OSBP: variants seen among roughly 807,000 people sequenced by gnomAD.
OSBP encodes the protein oxysterol-binding protein 1.
OSBP carries 32 observed loss-of-function variants against 96.6 expected under a neutral mutation model. The observed-to-expected ratio is 0.33, with a 90% confidence interval of 0.25 to 0.45. OSBP has a LOEUF of 0.45. Among genes scored for constraint, OSBP ranks in the 20% least tolerant of loss-of-function variants. The pLI is 1.00. For synonymous variants in OSBP, 369 were observed against 389.6 expected (o/e 0.95, Z 0.62); for missense variants, 653 against 1,029.7 (o/e 0.63, Z 5.01).
chr11:59,590,599 C>T (rs1860565994), intron 9 of OSBP, among the ~76,000 whole-genome samples: 1 of 152,194 alleles, frequency 6.6e-6, no homozygotes, highest in African/African-American at 2.4e-5. Flanking sequence ...TCAACAAATG[C>T]TACTTCAATT....
chr11:59,578,665 A>G (rs1194358122), intron 11 of OSBP, among the ~76,000 whole-genome samples: 1 of 152,084 alleles, frequency 6.6e-6, no homozygotes, highest in Non-Finnish European at 1.5e-5. Context: ...TTGCCCAGGC[A>G]GGTCTTGAAC....
chr11:59,589,338 C>T (rs1029013978), intron 9 of OSBP, among the ~76,000 whole-genome samples: 4 of 151,242 alleles, frequency 2.6e-5, no homozygotes, highest in South Asian at 2.1e-4. Context: ...TGGTGCCTCA[C>T]GCCAGTAATC....
intron 7 of OSBP, among the ~76,000 whole-genome samples, chr11:59,600,268 A>C (rs1397535412): frequency 6.6e-6 from 1 of 152,262 alleles, no homozygotes. Flanking sequence ...TTTGCTCAAA[A>C]ATAACTGCTA....
At chr11:59,604,103 A>G (rs531416789) in intron 3 of OSBP, among the ~76,000 whole-genome samples, 7 of 152,286 alleles carry the variant, frequency 4.6e-5, no homozygotes, top group African/African-American at 1.7e-4. Flanking sequence ...AGCTGTACAA[A>G]TAAGGGTAAG....
intron 10 of OSBP, among the ~76,000 whole-genome samples, chr11:59,580,515 T>C (rs935008530): frequency 4.6e-5 from 7 of 152,184 alleles, no homozygotes; most frequent in Admixed American, 6.5e-5. Context: ...TGATTTGACC[T>C]TCAGCACATA....
chr11:59,586,174 T>TAAATAAAAAAAAAAAAAAAAAA (rs1860497344), intron 9 of OSBP, among the ~76,000 whole-genome samples: 1 of 46,576 alleles, frequency 2.1e-5, no homozygotes, highest in African/African-American at 8.0e-5. Context: ...AAAAAATAAA[T>TAAATAAAAAAAAAAAAAAAAAA]AAAGAAAAAA....
chr11:59,574,421 TTAG>T lies in OSBP; in HGVS notation c.*2153_*2155del, dbSNP rs1229387469. 4.0e-5 allele frequency: 6 copies of T among 150,896 alleles called. No individual in the cohort carries two copies. The highest frequency in any genetic ancestry group is 2.0e-4 in the Admixed American group (3 of 14,936). The allele number at this position is 150,896 out of a possible 1,614,324, so 9.3% of individuals were successfully genotyped here. A position where few individuals can be genotyped will look rare whatever the true frequency, so the allele number is the denominator to read the frequency against. On this transcript the variant is annotated 3_prime_UTR_variant, in exon 14 of 14. Coordinates refer to ENST00000263847, the MANE Select transcript of OSBP (RefSeq NM_002556.3). Reference sequence around the variant, plus strand: ...TATGACTTTTAAAAAATTATTTAATTTAGTAGTTTTTTTTTTTTGGAAAAAAAT... The same window carrying T: ...TATGACTTTTAAAAAATTATTTAATTTAGTTTTTTTTTTTTGGAAAAAAAT...
At chr11:59,610,303 C>A in intron 2 of OSBP, 78 bp downstream of exon 2, 1 of 1,184,534 alleles carries the variant, frequency 8.4e-7, no homozygotes, top group Non-Finnish European at 1.3e-6. Flanking sequence ...AATGACACAG[C>A]ATAATGATGA....
At chr11:59,578,436 A>G in intron 11 of OSBP, 106 bp from the exon 12 acceptor site, 1 of 1,088,456 alleles carries the variant, frequency 9.2e-7, no homozygotes, top group Non-Finnish European at 1.4e-6. Context: ...TCCTGTTATA[A>G]CAAACACCAG....
At chr11:59,596,551 C>T (rs1421121270) in intron 7 of OSBP, among the ~76,000 whole-genome samples, 1 of 151,014 alleles carries the variant, frequency 6.6e-6, no homozygotes, top group Non-Finnish European at 1.5e-5. Flanking sequence ...TAGAAGGAAG[C>T]AGGGAGCTAT....
rs1410528214 is a variant in OSBP at position 59,615,507 on chromosome 11, G to A, written c.158C>T (p.Ala53Val). 1.6e-6 allele frequency: 2 copies of A among 1,219,594 alleles called. No homozygotes were observed. Among genetic ancestry groups the A allele is most frequent in the Non-Finnish European group, 2.0e-6 (2 of 981,006 alleles). The allele number at this position is 1,219,594 out of a possible 1,614,324, so 75.5% of individuals were successfully genotyped here. A position where few individuals can be genotyped will look rare whatever the true frequency, so the allele number is the denominator to read the frequency against. The stretch of plus-strand genomic sequence containing the variant: ...CCCCGGGCCCGGGCCTCCCGCCGCC[G>A]CCGCGACCACCGTCCCTGACGCGGC... ...SGAASGTVVA[A>V]AAGGPGPGAG... Residue 53 changes from alanine (A) to valine (V), a missense_variant, in exon 1 of 14, where the codon GCG (alanine) becomes GTG (valine). Physicochemically the swap from Ala to Val is moderately conservative, Grantham distance 64. This residue lies in a region of OSBP where 151 missense variants were observed against 146.1 expected (regional missense o/e 1.03). Coordinates refer to ENST00000263847, the MANE Select transcript of OSBP (RefSeq NM_002556.3).
At chr11:59,596,560 A>G (rs1860660158) in intron 7 of OSBP, among the ~76,000 whole-genome samples, 1 of 151,026 alleles carries the variant, frequency 6.6e-6, no homozygotes. Flanking sequence ...GCAGGGAGCT[A>G]TACAGCTGAT....
chr11:59,583,619 A>T (rs927179923), intron 9 of OSBP, among the ~76,000 whole-genome samples: 3 of 143,296 alleles, frequency 2.1e-5, no homozygotes, highest in African/African-American at 7.8e-5. Flanking sequence ...CCACCTAAAC[A>T]TATTCTAAAT....
chr11:59,578,562 A>C (rs1460301796), intron 11 of OSBP, among the ~76,000 whole-genome samples: 1 of 152,174 alleles, frequency 6.6e-6, no homozygotes, highest in East Asian at 1.9e-4. Flanking sequence ...GTGATGTCTC[A>C]CCTCAGCTAC....
At chr11:59,605,373 G>C (rs17508845) in intron 3 of OSBP, among the ~76,000 whole-genome samples, 5,336 of 151,992 alleles carry the variant, frequency 0.035, 133 homozygotes, top group Non-Finnish European at 0.043. Context: ...ACCACTACCT[G>C]GATCAAAGCT....
At chr11:59,611,131 G>A (rs1463640835) in intron 1 of OSBP, among the ~76,000 whole-genome samples, 1 of 112,766 alleles carries the variant, frequency 8.9e-6, no homozygotes, top group African/African-American at 4.1e-5. Context: ...GCGAAACTCC[G>A]TCTCAAAAAA....
chr11:59,590,952 T>C (rs1288479397), intron 9 of OSBP, among the ~76,000 whole-genome samples: 1 of 152,200 alleles, frequency 6.6e-6, no homozygotes, highest in Non-Finnish European at 1.5e-5. Context: ...AATCTCCCCA[T>C]GAAGATGGGG....
In OSBP at chr11:59,576,956, A is replaced by C. The variant is rs1860368192; in HGVS notation, c.2130T>G (p.Thr710=). Residue 710 remains threonine (T), a synonymous_variant, in exon 13 of 14, where the codon ACT becomes ACG. Transcript: ENST00000263847. ...GTCGTAACCGGCTGTCTGTGGGGGC[A>C]GTGCCACTTTCCCAAGCATTGAGAG... ...ALTLNAWESG[T]APTDSRLRPD... The C allele has an allele frequency of 6.2e-7, 1 of 1,614,056 alleles. No homozygotes were observed. The highest frequency in any genetic ancestry group is 8.5e-7 in the Non-Finnish European group (1 of 1,180,036).
intron 4 of OSBP, 75 bp downstream of exon 4, chr11:59,601,565 T>C: frequency 7.3e-7 from 1 of 1,368,032 alleles, no homozygotes; most frequent in East Asian, 2.3e-5. Context: ...GTGAAGAGTT[T>C]GGAGTTCTCC....
Sources: gnomAD v4.1 joint callset for allele counts (sites outside exome capture counted in the v4.1 genomes callset) on GRCh38, gnomAD v4.1.1 for gene constraint, gnomAD v4.1.1 regional missense constraint, MANE v1.5 for transcripts, NCBI Gene and HGNC (gene_info 2026-07-23, HGNC 2026-07-21) for gene names.